The following TCTN1 variants were observed in gnomAD, a reference collection of about 807,000 sequenced individuals.
TCTN1 encodes the protein tectonic-1.
Under a neutral mutation model 65.8 loss-of-function variants are expected in TCTN1, and 58 were observed. The ratio of observed to expected loss-of-function variants is 0.88; its 90% CI spans 0.71 to 1.10. TCTN1 has a LOEUF of 1.10. Among genes scored for constraint, TCTN1 ranks in the 50% least tolerant of loss-of-function variants. The pLI is 0.00. For missense variants in TCTN1, 645 were observed against 719.4 expected, an observed-to-expected ratio of 0.90 and a Z score of 1.18; for synonymous variants, 273 against 289.1, an observed-to-expected ratio of 0.94 and a Z score of 0.57.
In TCTN1 at chr12:110,634,702, A is replaced by C; in HGVS notation, c.745A>C (p.Arg249=). Residue 249 remains arginine (R), a synonymous_variant, in exon 6 of 15, where the codon AGA becomes CGA. Coordinates refer to ENST00000397659, the MANE Select transcript of TCTN1 (RefSeq NM_001082538.3). The stretch of plus-strand genomic sequence containing the variant: ...GGTGAACCAGGCTGTTAAGTGCACC[A>C]GAAAAATAAATTTAGAACAGTGTGA... The part of the protein sequence containing the change: ...FLVNQAVKCT[R]KINLEQCEEI... 6.2e-7 allele frequency: 1 copy of C among 1,611,968 alleles called. No homozygotes were observed. Among genetic ancestry groups the C allele is most frequent in the Non-Finnish European group, 8.5e-7 (1 of 1,178,996 alleles).
At chr12:110,645,262 A>G in intron 12 of TCTN1, 133 bp downstream of exon 12, 1 of 1,224,450 alleles carries the variant, frequency 8.2e-7, no homozygotes, top group Middle Eastern at 2.7e-4. Context: ...AATCTTGGAT[A>G]CTGATTTTTG....
intron 12 of TCTN1, chr12:110,645,330 T>C (rs2067227818): frequency 1.6e-6 from 1 of 635,950 alleles, no homozygotes; most frequent in Non-Finnish European, 2.7e-6. Flanking sequence ...GCCTCTGTTT[T>C]CATCTGTGAA....
chr12:110,643,672 C>T (rs1174076237), intron 11 of TCTN1: 1 of 152,072 alleles, frequency 6.6e-6, no homozygotes, highest in Non-Finnish European at 1.5e-5. Flanking sequence ...CAATATTTAC[C>T]ATTTACTTAT....
intron 14 of TCTN1, among the ~76,000 whole-genome samples, chr12:110,648,287 C>A (rs898677747): frequency 6.6e-6 from 1 of 152,180 alleles, no homozygotes; most frequent in African/African-American, 2.4e-5. Flanking sequence ...TACTTCTAAC[C>A]TTTGAGGTTG....
chr12:110,626,720 C>T (rs1023464995), intron 3 of TCTN1, among the ~76,000 whole-genome samples: 1 of 149,916 alleles, frequency 6.7e-6, no homozygotes, highest in African/African-American at 2.5e-5. Context: ...GCTGGGATTA[C>T]AGGTGCCTGC....
At chr12:110,641,515 TG>T (rs755859253) in intron 9 of TCTN1, 26 bp from the exon 10 acceptor site, 1 of 1,593,488 alleles carries the variant, frequency 6.3e-7, no homozygotes, top group South Asian at 1.1e-5. Context: ...GAGAATTATT[TG>T]GGGGCATTTC....
intron 3 of TCTN1, among the ~76,000 whole-genome samples, chr12:110,627,345 C>T (rs2065928758): frequency 6.6e-6 from 1 of 152,120 alleles, no homozygotes; most frequent in African/African-American, 2.4e-5. Flanking sequence ...GATCCTCCTG[C>T]CTCGGCCTCT....
intron 11 of TCTN1, among the ~76,000 whole-genome samples, 192 bp downstream of exon 11, chr12:110,642,581 A>C (rs1357897243): frequency 6.6e-6 from 1 of 152,072 alleles, no homozygotes; most frequent in Non-Finnish European, 1.5e-5. Flanking sequence ...GCAAAGCAAA[A>C]ATTTCAAGGC....
chr12:110,647,582 G>A, intron 13 of TCTN1, 167 bp from the exon 14 acceptor site: 1 of 1,116,402 alleles, frequency 9.0e-7, no homozygotes, highest in Non-Finnish European at 1.3e-6. Context: ...CAGACACCCT[G>A]GTAAAATTGT....
At chr12:110,619,002 C>T (rs1286032059) in intron 1 of TCTN1, among the ~76,000 whole-genome samples, 1 of 150,514 alleles carries the variant, frequency 6.6e-6, no homozygotes, top group Non-Finnish European at 1.5e-5. Flanking sequence ...GAAACCCCGT[C>T]CCTAATAAAA....
At chr12:110,634,363 A>G in intron 5 of TCTN1, 1 of 466,938 alleles carries the variant, frequency 2.1e-6, no homozygotes, top group Non-Finnish European at 4.3e-6. Flanking sequence ...TCATGAATGT[A>G]TTCTTTTTGA....
intron 3 of TCTN1, chr12:110,628,179 A>G: frequency 6.5e-7 from 1 of 1,536,100 alleles, no homozygotes; most frequent in Non-Finnish European, 8.7e-7. Context: ...TCCAGGGGCT[A>G]GAGAAATAGA....
intron 11 of TCTN1, chr12:110,643,632 A>G (rs936238131): frequency 1.3e-5 from 2 of 152,082 alleles, no homozygotes; most frequent in Non-Finnish European, 2.9e-5. Context: ...ACATCTTCCC[A>G]GGGTCATTGG....
intron 6 of TCTN1, 36 bp downstream of exon 6, chr12:110,634,815 G>C (rs2066453364): frequency 6.8e-7 from 1 of 1,473,614 alleles, no homozygotes; most frequent in Admixed American, 1.8e-5. Context: ...TACTCATTAG[G>C]TATGTTTCTG....
At chr12:110,634,163 A>G (rs1169340510) in intron 5 of TCTN1, among the ~76,000 whole-genome samples, 1 of 152,232 alleles carries the variant, frequency 6.6e-6, no homozygotes, top group Non-Finnish European at 1.5e-5. Flanking sequence ...GAAAGAAATA[A>G]TAATAAAAAT....
In TCTN1 at chr12:110,614,259, C is replaced by A; in HGVS notation, c.77C>A (p.Ala26Asp). The A allele has an allele frequency of 6.3e-7, 1 of 1,595,214 alleles. No individual in the cohort carries two copies. The highest frequency in any genetic ancestry group is 8.5e-7 in the Non-Finnish European group (1 of 1,171,628). Residue 26 changes from alanine to aspartate, a missense_variant, in exon 1 of 15, where the codon GCC (alanine) becomes GAC (aspartate). Physicochemically the swap from Ala to Asp is moderately radical, Grantham distance 126 (BLOSUM62 -2). Coordinates refer to ENST00000397659, the MANE Select transcript of TCTN1 (RefSeq NM_001082538.3). ...CWASVSAQTD[A>D]TPAVTTEGLN... ...GCCTCCGTGAGCGCCCAGACCGATG[C>A]CACCCCGGCGGTGACGACAGAGGGC...
At chr12:110,638,370 C>G (rs764397604) in intron 7 of TCTN1, among the ~76,000 whole-genome samples, 1 of 152,176 alleles carries the variant, frequency 6.6e-6, no homozygotes, top group Non-Finnish European at 1.5e-5. Flanking sequence ...TTAAAATTTT[C>G]TTAAAAAGCA....
chr12:110,646,676 T>C (rs945428475), intron 12 of TCTN1: 5 of 198,736 alleles, frequency 2.5e-5, no homozygotes, highest in Non-Finnish European at 4.1e-5. Context: ...TTTGACAACA[T>C]ACGGACACTG....
At chr12:110,642,102 C>T (rs1307171295) in intron 10 of TCTN1, 147 bp from the exon 11 acceptor site, 7 of 1,008,516 alleles carry the variant, frequency 6.9e-6, no homozygotes, top group Middle Eastern at 3.1e-4. Flanking sequence ...GTTTTTTTGC[C>T]TGCTCCTGGG....
Sources: allele counts gnomAD v4.1 joint callset (sites outside exome capture counted in the v4.1 genomes callset), GRCh38; gene constraint gnomAD v4.1.1; transcripts MANE v1.5; gene names NCBI Gene and HGNC (gene_info 2026-07-23, HGNC 2026-07-21).